KDM4C: variants seen among roughly 807,000 people sequenced by gnomAD.
KDM4C encodes the protein lysine demethylase 4C, also known as lysine-specific demethylase 4C.
Under a neutral mutation model 129.3 loss-of-function variants are expected in KDM4C, and 81 were observed. That is an observed-to-expected ratio of 0.63 (90% CI 0.52 to 0.75). The LOEUF (loss-of-function observed/expected upper bound fraction) is 0.75. Among genes scored for constraint, KDM4C ranks in the 30% least tolerant of loss-of-function variants. The probability of loss-of-function intolerance (pLI) is 0.00; values close to 1 mark genes in which losing one functional copy is unlikely to be tolerated. For missense variants in KDM4C, 1,457 were observed against 1,304.0 expected (o/e 1.12, Z -1.81); for synonymous variants, 573 against 456.1 (o/e 1.26, Z -3.26).
intron 1 of KDM4C, among the ~76,000 whole-genome samples, chr9:6,728,628 C>T (rs1048147280): frequency 6.6e-6 from 1 of 151,846 alleles, no homozygotes; most frequent in Non-Finnish European, 1.5e-5. Flanking sequence ...GGGCGGATCA[C>T]GAGGTCAGGA....
chr9:7,017,058 C>T (rs1823830645), intron 15 of KDM4C, among the ~76,000 whole-genome samples: 1 of 152,100 alleles, frequency 6.6e-6, no homozygotes. Context: ...ACTTCACCCT[C>T]CTGGGTAGCT....
chr9:7,030,326 A>G (rs1286709951), intron 15 of KDM4C, among the ~76,000 whole-genome samples: 1 of 152,230 alleles, frequency 6.6e-6, no homozygotes, highest in Non-Finnish European at 1.5e-5. Flanking sequence ...ATGTCATTAT[A>G]TATTTTCATC....
At chr9:7,119,653 A>G (rs2133281466) in intron 18 of KDM4C, among the ~76,000 whole-genome samples, 1 of 152,200 alleles carries the variant, frequency 6.6e-6, no homozygotes, top group East Asian at 1.9e-4. Context: ...AAAAGAAAGA[A>G]AAACAAGTTT....
At chr9:7,145,240 T>C (rs1418416709) in intron 19 of KDM4C, among the ~76,000 whole-genome samples, 1 of 152,212 alleles carries the variant, frequency 6.6e-6, no homozygotes, top group Non-Finnish European at 1.5e-5. Context: ...ATTTTTTTCC[T>C]GCCATCCTTT....
chr9:6,916,424 C>A (rs1053394748), intron 8 of KDM4C, among the ~76,000 whole-genome samples: 1 of 151,882 alleles, frequency 6.6e-6, no homozygotes, highest in Non-Finnish European at 1.5e-5. Context: ...CACAGCCTTC[C>A]GAGCAGCTGG....
chr9:6,838,415 T>C (rs1157979808), intron 4 of KDM4C, among the ~76,000 whole-genome samples: 1 of 152,164 alleles, frequency 6.6e-6, no homozygotes, highest in Non-Finnish European at 1.5e-5. Flanking sequence ...GATTCTTTTC[T>C]CCCAAGAGGA....
intron 1 of KDM4C, among the ~76,000 whole-genome samples, chr9:6,792,554 A>C (rs963685199): frequency 6.6e-6 from 1 of 151,500 alleles, no homozygotes; most frequent in African/African-American, 2.4e-5. Flanking sequence ...ACACCCGGCT[A>C]AGTTTTGTAT....
At chr9:6,842,768 G>A (rs367649407) in intron 4 of KDM4C, among the ~76,000 whole-genome samples, 1 of 149,550 alleles carries the variant, frequency 6.7e-6, no homozygotes, top group South Asian at 2.1e-4. Context: ...ATAGTAGGTT[G>A]TCTCCAAATA....
intron 8 of KDM4C, 126 bp downstream of exon 8, chr9:6,893,358 G>A (rs1846377598): frequency 4.8e-6 from 3 of 622,854 alleles, no homozygotes; most frequent in African/African-American, 1.9e-5. Context: ...TCTCACCACA[G>A]CAATTCACTT....
At chr9:7,105,352 G>C (rs141131415) in intron 18 of KDM4C, 1 of 443,912 alleles carries the variant, frequency 2.3e-6, no homozygotes, top group African/African-American at 2.0e-5. Flanking sequence ...CTGAGCCTCA[G>C]CTTCCTCATC....
intron 17 of KDM4C, among the ~76,000 whole-genome samples, chr9:7,083,614 A>T (rs1834783915): frequency 6.6e-6 from 1 of 152,160 alleles, no homozygotes; most frequent in Non-Finnish European, 1.5e-5. Context: ...CTAAACATAG[A>T]AAAGATATAG....
At chr9:6,908,796 A>C (rs1405039703) in intron 8 of KDM4C, among the ~76,000 whole-genome samples, 1 of 152,228 alleles carries the variant, frequency 6.6e-6, no homozygotes, top group Non-Finnish European at 1.5e-5. Context: ...AGGTAATATC[A>C]TCTTGGGCAA....
At position 6,804,072 on chromosome 9, in the gene KDM4C, C is replaced by G. The variant is rs138100163; in HGVS notation, c.145-1527C>G. Among the ~76,000 whole-genome samples, 343 of 152,352 alleles carry G rather than the reference C, an allele frequency of 2.3e-3. 2 individuals carry two copies. Among genetic ancestry groups the G allele is most frequent in the Non-Finnish European group, 4.0e-3 (272 of 68,042 alleles). ...TCCTGGCCTCAAGTGATTTACCCAT[C>G]TTGGCCTCCCAAAGTGCTAAGGTTA... On this transcript the variant is annotated intron_variant, in intron 2 of 21. Transcript: ENST00000381309.
At chr9:6,911,672 G>C (rs1819337073) in intron 8 of KDM4C, among the ~76,000 whole-genome samples, 1 of 152,112 alleles carries the variant, frequency 6.6e-6, no homozygotes, top group African/African-American at 2.4e-5. Flanking sequence ...TAATCTCCTT[G>C]ATCTCTAAAA....
intron 21 of KDM4C, among the ~76,000 whole-genome samples, chr9:7,173,176 C>A (rs7036627): frequency 0.78 from 118,094 of 152,246 alleles, 45,957 homozygotes; most frequent in Middle Eastern, 0.8. Flanking sequence ...CACTGCCCTC[C>A]TCTTACTGAG....
At chr9:6,731,648 G>A (rs1048078608) in intron 1 of KDM4C, among the ~76,000 whole-genome samples, 1 of 152,026 alleles carries the variant, frequency 6.6e-6, no homozygotes, top group African/African-American at 2.4e-5. Flanking sequence ...CTCCATTTTT[G>A]TTTGGTTTGG....
At chr9:7,076,438 G>T (rs1375808239) in intron 17 of KDM4C, 3 of 1,548,376 alleles carry the variant, frequency 1.9e-6, no homozygotes, top group Non-Finnish European at 2.6e-6. Context: ...TTTCAGGGAA[G>T]GCTGGGAATC....
At chr9:7,049,010 A>T (rs778709798) in intron 16 of KDM4C, 82 bp from the exon 17 acceptor site, 1 of 866,636 alleles carries the variant, frequency 1.2e-6, no homozygotes, top group Non-Finnish European at 1.9e-6. Flanking sequence ...TGTATTTCCC[A>T]TCTGTGAGAA....
At chr9:7,055,352 C>G (rs928507039) in intron 17 of KDM4C, among the ~76,000 whole-genome samples, 9 of 152,166 alleles carry the variant, frequency 5.9e-5, no homozygotes, top group African/African-American at 1.4e-4. Flanking sequence ...TTTGGAATAG[C>G]AGGATTTGCC....
Sources: gnomAD v4.1 joint callset for allele counts (sites outside exome capture counted in the v4.1 genomes callset) on GRCh38, gnomAD v4.1.1 for gene constraint, MANE v1.5 for transcripts, NCBI Gene and HGNC (gene_info 2026-07-23, HGNC 2026-07-21) for gene names.